Variants in PRKCZ observed in about 807,000 individuals in gnomAD.
PRKCZ encodes the protein protein kinase C zeta type.
Under a neutral mutation model 79.5 loss-of-function variants are expected in PRKCZ, and 33 were observed. The ratio of observed to expected loss-of-function variants is 0.41; its 90% CI spans 0.31 to 0.55. The LOEUF is 0.55. Among genes scored for constraint, PRKCZ ranks in the 20% least tolerant of loss-of-function variants. The probability of loss-of-function intolerance (pLI) is 0.19; values close to 1 mark genes in which losing one functional copy is unlikely to be tolerated. For missense variants in PRKCZ, 578 were observed against 813.5 expected (o/e 0.71, Z 3.52); for synonymous variants, 342 against 320.9 (o/e 1.07, Z -0.70).
chr1:2,185,098 C>T lies in PRKCZ; in HGVS notation c.*89C>T. 3.8e-6 allele frequency: 5 copies of T among 1,301,088 alleles called. No homozygotes were observed. Among genetic ancestry groups the T allele is most frequent in the South Asian group, 1.3e-5 (1 of 77,352 alleles). The allele number at this position is 1,301,088 out of a possible 1,614,324, so 80.6% of individuals were successfully genotyped here. A position where few individuals can be genotyped will look rare whatever the true frequency, so the allele number is the denominator to read the frequency against. On this transcript the variant is annotated 3_prime_UTR_variant, in exon 18 of 18. Coordinates refer to ENST00000378567, the MANE Select transcript of PRKCZ (RefSeq NM_002744.6). ...CATATGCATGCCAGGCTGGGCACGG[C>T]TCCGAGGGCGGCCAGGGACAGACGC...
intron 4 of PRKCZ, among the ~76,000 whole-genome samples, chr1:2,097,864 G>A (rs1666789724): frequency 6.6e-6 from 1 of 152,250 alleles, no homozygotes; most frequent in African/African-American, 2.4e-5. Context: ...GCAATGGCGA[G>A]AGCACACCTG....
At chr1:2,118,586 T>G (rs1348683321) in intron 4 of PRKCZ, among the ~76,000 whole-genome samples, 2 of 146,422 alleles carry the variant, frequency 1.4e-5, no homozygotes, top group Non-Finnish European at 3.0e-5. Flanking sequence ...ATCCGCCTGC[T>G]TCGGCCTCCC....
In PRKCZ at chr1:2,177,406, G is replaced by C. The variant is rs1190361765; in HGVS notation, c.1575+2093G>C. On this transcript the variant is annotated intron_variant, in intron 16 of 17. Transcript: ENST00000378567. This position sits in a 1 kb window ranked among gnomAD's most constrained non-coding sequence, Gnocchi z 6.4. ...GCCCACCACCGTATGGGGCCCACCA[G>C]CACCATGGGATCCAGGGAGAGCCCG... 6.6e-6 allele frequency among the ~76,000 whole-genome samples: 1 copy of C among 152,148 alleles called. No homozygotes were observed. Among genetic ancestry groups the C allele is most frequent in the Admixed American group, 6.5e-5 (1 of 15,274 alleles).
chr1:2,121,124 C>T (rs1267701811), intron 4 of PRKCZ, among the ~76,000 whole-genome samples: 1 of 152,188 alleles, frequency 6.6e-6, no homozygotes. Context: ...TCGTAGTTCT[C>T]TCTTCTGGGG....
chr1:2,110,129 T>C (rs1669433743), intron 4 of PRKCZ, among the ~76,000 whole-genome samples: 1 of 53,042 alleles, frequency 1.9e-5, no homozygotes, highest in Non-Finnish European at 3.6e-5. Flanking sequence ...GGGCCCTCCC[T>C]GGGGGCAGCC....
rs755965668 is a variant in PRKCZ, at chr1:2,172,027, G to T, written c.1062-28G>T. The T allele has an allele frequency of 5.7e-6, 9 of 1,574,846 alleles. No individual in the cohort carries two copies. Among genetic ancestry groups the T allele is most frequent in the African/African-American group, 1.3e-5 (1 of 74,214 alleles). On this transcript the variant is annotated intron_variant, in intron 11 of 17. Coordinates refer to ENST00000378567, the MANE Select transcript of PRKCZ (RefSeq NM_002744.6). The surrounding 1 kb of genome is among the most constrained non-coding windows in gnomAD (Gnocchi z 7.8). ...TGGCGCAGCCTCTGGCACAGGCACT[G>T]CCCCCATGACGGCATCCCCACCCCC...
chr1:2,125,089 G>A lies in PRKCZ; in HGVS notation c.335-10173G>A, dbSNP rs1305635759. On this transcript the variant is annotated intron_variant, in intron 4 of 17. Transcript: ENST00000378567. This position sits in a 1 kb window ranked among gnomAD's most constrained non-coding sequence, Gnocchi z 4.2. ...ATCTCTGCCTCCAGCCTGGGCCTTT[G>A]GGTCTGTTTGAGGGTGGGGGACACG... 1.3e-5 allele frequency among the ~76,000 whole-genome samples: 2 copies of A among 152,130 alleles called. No homozygotes were observed. The highest frequency in any genetic ancestry group is 2.9e-5 in the Non-Finnish European group (2 of 68,014).
chr1:2,122,775 T>C (rs376145890), intron 4 of PRKCZ, among the ~76,000 whole-genome samples: 3 of 5,850 alleles, frequency 5.1e-4, no homozygotes, highest in African/African-American at 2.3e-3. Flanking sequence ...TGGTTAGGGT[T>C]GTGGTGGTTA....
At chr1:2,132,412 C>A (rs796123497) in intron 4 of PRKCZ, among the ~76,000 whole-genome samples, 44 of 152,332 alleles carry the variant, frequency 2.9e-4, no homozygotes, top group African/African-American at 9.4e-4. Flanking sequence ...CTAGGGGGAG[C>A]AAATGGTCCT....
intron 5 of PRKCZ, chr1:2,141,270 C>G (rs1000584504): frequency 1.3e-5 from 2 of 151,840 alleles, no homozygotes; most frequent in African/African-American, 4.8e-5. Context: ...TGGCCTGACC[C>G]CAGGTAAGGG....
chr1:2,150,231 C>T (rs1263561356), intron 8 of PRKCZ, among the ~76,000 whole-genome samples: 1 of 152,080 alleles, frequency 6.6e-6, no homozygotes, highest in Non-Finnish European at 1.5e-5. Context: ...GGAACCGCCT[C>T]CTCCACCCCG....
At chr1:2,179,592 G>A (rs1686140701) in intron 16 of PRKCZ, among the ~76,000 whole-genome samples, 2 of 152,238 alleles carry the variant, frequency 1.3e-5, no homozygotes, top group South Asian at 2.1e-4. Flanking sequence ...TGTCCCACAT[G>A]GCCGGGCGGT....
At chr1:2,160,661 G>A (rs1377650987) in intron 10 of PRKCZ, among the ~76,000 whole-genome samples, 2 of 152,216 alleles carry the variant, frequency 1.3e-5, no homozygotes, top group Non-Finnish European at 2.9e-5. Flanking sequence ...GCAGAAGCCA[G>A]AGGGACCTGC....
intron 4 of PRKCZ, among the ~76,000 whole-genome samples, chr1:2,102,335 GT>G (rs1417492395): frequency 6.7e-6 from 1 of 148,610 alleles, no homozygotes; most frequent in Non-Finnish European, 1.5e-5. Flanking sequence ...TGTTTGTTTT[GT>G]TTTGTTTTGT....
At chr1:2,120,839 C>CTTTTTTTTT (rs35674338) in intron 4 of PRKCZ, among the ~76,000 whole-genome samples, 4 of 103,098 alleles carry the variant, frequency 3.9e-5, no homozygotes, top group African/African-American at 7.5e-5. Context: ...CCATTTGATT[C>CTTTTTTTTT]TTTTTTTTTT....
Position 2,161,403 on chromosome 1 carries a change from C to T in PRKCZ, c.974+5311C>T, listed in dbSNP as rs140697007. On this transcript the variant is annotated intron_variant, in intron 10 of 17. Coordinates refer to ENST00000378567, the MANE Select transcript of PRKCZ (RefSeq NM_002744.6). The stretch of plus-strand genomic sequence containing the variant: ...TTTGCCTTTTGCATTGCGAGGGCGT[C>T]CTGCACTCTTCGGGAACACTGCGGA... 2.1e-3 allele frequency among the ~76,000 whole-genome samples: 326 copies of T among 152,350 alleles called. 1 individual carries two copies. Among genetic ancestry groups the T allele is most frequent in the South Asian group, 6.8e-3 (33 of 4,830 alleles).
At chr1:2,102,881 G>T (rs112535133) in intron 4 of PRKCZ, among the ~76,000 whole-genome samples, 1 of 151,536 alleles carries the variant, frequency 6.6e-6, no homozygotes, top group African/African-American at 2.4e-5. Context: ...CCCTCCCCCC[G>T]TCTGTCTCTC....
At chr1:2,096,811 C>T (rs1202128854) in intron 4 of PRKCZ, among the ~76,000 whole-genome samples, 1 of 152,208 alleles carries the variant, frequency 6.6e-6, no homozygotes. Flanking sequence ...TCAGCCAGCT[C>T]ATCCAGACCT....
At position 2,168,628 on chromosome 1, in the gene PRKCZ, G is replaced by C. The variant is rs577550044; in HGVS notation, c.975-890G>C. On this transcript the variant is annotated intron_variant, in intron 10 of 17. Transcript: ENST00000378567. This position sits in a 1 kb window ranked among gnomAD's most constrained non-coding sequence, Gnocchi z 4.7. ...CTTGTGGAGGGCAGGAGCAGGGACA[G>C]GTGCCTTGAGGCGTAACAGTGGCGG... Among the ~76,000 whole-genome samples, 401 of 152,298 alleles carry C rather than the reference G, an allele frequency of 2.6e-3. 2 individuals are homozygous for C. The highest frequency in any genetic ancestry group is 9.2e-3 in the African/African-American group (381 of 41,556).
Sources: allele counts gnomAD v4.1 joint callset (sites outside exome capture counted in the v4.1 genomes callset), GRCh38; gene constraint gnomAD v4.1.1; non-coding constraint Gnocchi (gnomAD v3.1); transcripts MANE v1.5; gene names NCBI Gene and HGNC (gene_info 2026-07-23, HGNC 2026-07-21).